GRM5: variants seen among roughly 807,000 people sequenced by gnomAD.
The protein encoded by GRM5 is metabotropic glutamate receptor 5.
In GRM5, 19 loss-of-function variants were observed where a neutral mutation model predicts 83.1. The observed-to-expected ratio is 0.23, with a 90% CI of 0.16 to 0.34. The LOEUF is 0.34. GRM5 is among the 10% of genes least tolerant of loss of function. GRM5 has a pLI of 1.00. For synonymous variants in GRM5, 675 were observed against 633.6 expected (o/e 1.07, Z -0.98); for missense variants, 1,160 against 1,588.3 (o/e 0.73, Z 4.58).
intron 1 of GRM5, among the ~76,000 whole-genome samples, chr11:89,054,908 C>T (rs1466118442): frequency 6.6e-6 from 1 of 152,090 alleles, no homozygotes; most frequent in Non-Finnish European, 1.5e-5. Context: ...ATTTTATTTT[C>T]TTCATCTGTG....
chr11:88,741,532 T>C (rs571886032), intron 3 of GRM5, among the ~76,000 whole-genome samples: 1 of 152,224 alleles, frequency 6.6e-6, no homozygotes, highest in African/African-American at 2.4e-5. Context: ...CATTTATTCT[T>C]ACATTCATGC....
chr11:88,601,846 G>T (rs1370178315), intron 5 of GRM5, among the ~76,000 whole-genome samples: 1 of 152,096 alleles, frequency 6.6e-6, no homozygotes, highest in African/African-American at 2.4e-5. Flanking sequence ...CTTTGAGATG[G>T]TTTCTATTCA....
chr11:88,958,243 TTA>T (rs887943857), intron 2 of GRM5, among the ~76,000 whole-genome samples: 24 of 149,056 alleles, frequency 1.6e-4, no homozygotes, highest in African/African-American at 3.7e-4. Flanking sequence ...CAAAAATATT[TTA>T]TATATATATA....
intron 8 of GRM5, among the ~76,000 whole-genome samples, chr11:88,533,898 C>T (rs1022670922): frequency 3.3e-4 from 50 of 152,136 alleles, no homozygotes; most frequent in African/African-American, 1.1e-3. Flanking sequence ...GGACTTGGTG[C>T]CCTGCATCCC....
At chr11:88,700,034 T>C (rs1185832522) in intron 3 of GRM5, among the ~76,000 whole-genome samples, 2 of 152,152 alleles carry the variant, frequency 1.3e-5, no homozygotes, top group African/African-American at 4.8e-5. Flanking sequence ...GATAAAACTT[T>C]AGTGAATATC....
intron 8 of GRM5, among the ~76,000 whole-genome samples, chr11:88,534,958 T>G (rs564151498): frequency 6.6e-6 from 1 of 152,200 alleles, no homozygotes; most frequent in Non-Finnish European, 1.5e-5. Context: ...TCTCTTTGCC[T>G]GCTGCCATCC....
chr11:88,969,257 T>C (rs1939089228), intron 2 of GRM5, among the ~76,000 whole-genome samples: 1 of 152,084 alleles, frequency 6.6e-6, no homozygotes, highest in Non-Finnish European at 1.5e-5. Flanking sequence ...TATATATGTA[T>C]ATATTTACTT....
rs181085864 is a variant in GRM5, at chr11:88,595,883, A to G, written c.1563+1301T>C. Among the ~76,000 whole-genome samples, 7 of 152,192 alleles carry G rather than the reference A, an allele frequency of 4.6e-5. No homozygotes were observed. In the East Asian group the frequency reaches 1.4e-3, roughly 29 times the overall value. On this transcript the variant is annotated intron_variant, in intron 6 of 9. Transcript: ENST00000305447. Reference sequence around the variant, plus strand: ...TGAAAGCAGAAATTCTCCAAGGTATATTCTTGGTCCGTATTTATTTTTTAT... The same window carrying G: ...TGAAAGCAGAAATTCTCCAAGGTATGTTCTTGGTCCGTATTTATTTTTTAT...
chr11:88,977,474 G>T (rs1279423251), intron 2 of GRM5, among the ~76,000 whole-genome samples: 1 of 152,144 alleles, frequency 6.6e-6, no homozygotes, highest in Non-Finnish European at 1.5e-5. Context: ...GCCTCCCAAA[G>T]TGCTGGGATT....
chr11:88,819,069 A>G (rs993060223), intron 3 of GRM5, among the ~76,000 whole-genome samples: 7 of 152,240 alleles, frequency 4.6e-5, no homozygotes, highest in African/African-American at 1.7e-4. Flanking sequence ...ACAAATTTCA[A>G]AAGCAACATT....
chr11:88,640,467 C>T (rs919761460), intron 4 of GRM5, among the ~76,000 whole-genome samples: 1 of 152,106 alleles, frequency 6.6e-6, no homozygotes, highest in Admixed American at 6.6e-5. Flanking sequence ...CATGAATAAG[C>T]AAGCAATCAG....
At chr11:88,517,491 A>G (rs1305045066) in intron 9 of GRM5, among the ~76,000 whole-genome samples, 2 of 152,184 alleles carry the variant, frequency 1.3e-5, no homozygotes. Context: ...AAACTAACTC[A>G]TTAAACATGG....
intron 2 of GRM5, among the ~76,000 whole-genome samples, chr11:88,921,927 C>T (rs1462332389): frequency 1.5e-5 from 2 of 129,250 alleles, no homozygotes; most frequent in African/African-American, 6.0e-5. Context: ...ACAAAAAAAA[C>T]CGTATTTCTA....
chr11:88,887,371 C>T (rs1384731743), intron 2 of GRM5, among the ~76,000 whole-genome samples: 1 of 152,086 alleles, frequency 6.6e-6, no homozygotes, highest in East Asian at 1.9e-4. Context: ...TCAGTCTAGC[C>T]CCTCCATTAA....
At chr11:88,727,732 C>G (rs527884450) in intron 3 of GRM5, among the ~76,000 whole-genome samples, 1 of 152,286 alleles carries the variant, frequency 6.6e-6, no homozygotes, top group East Asian at 1.9e-4. Context: ...GAAAGTCACT[C>G]AAAACCACAC....
intron 2 of GRM5, among the ~76,000 whole-genome samples, chr11:89,011,548 G>A (rs1186432556): frequency 2.0e-5 from 3 of 152,162 alleles, no homozygotes; most frequent in Non-Finnish European, 4.4e-5. Context: ...ACTGATTACT[G>A]AAAACCAGAG....
intron 4 of GRM5, among the ~76,000 whole-genome samples, chr11:88,634,666 G>C (rs1939070706): frequency 6.6e-6 from 1 of 152,178 alleles, no homozygotes; most frequent in African/African-American, 2.4e-5. Flanking sequence ...GGACTTGCCT[G>C]AGGATGTTTT....
intron 3 of GRM5, among the ~76,000 whole-genome samples, chr11:88,695,693 A>G (rs1421956724): frequency 6.6e-6 from 1 of 152,216 alleles, no homozygotes. Context: ...TTTTCAAGGA[A>G]TCAACACCTA....
intron 2 of GRM5, among the ~76,000 whole-genome samples, chr11:88,950,006 A>G (rs1300672028): frequency 1.3e-5 from 2 of 150,684 alleles, no homozygotes; most frequent in Non-Finnish European, 1.5e-5. Context: ...CTGGGACTAC[A>G]GGTACATGCC....
Sources: gnomAD v4.1 joint callset for allele counts (sites outside exome capture counted in the v4.1 genomes callset) on GRCh38, gnomAD v4.1.1 for gene constraint, MANE v1.5 for transcripts, NCBI Gene and HGNC (gene_info 2026-07-23, HGNC 2026-07-21) for gene names.